Variants in TMSB15B observed in about 807,000 individuals in gnomAD.
The protein encoded by TMSB15B is thymosin beta 15B.
rs782728376 is a variant in TMSB15B at position 103,950,442 on chromosome X, A to G, written c.-720-11579A>G. 6.4e-5 allele frequency among the ~76,000 whole-genome samples: 7 copies of G among 110,200 alleles called. No homozygotes were observed. The South Asian group carries it at 2.8e-3, about 44-fold the overall frequency. On this transcript the variant is annotated intron_variant, in intron 1 of 3. Coordinates refer to the TMSB15B transcript ENST00000419165. The stretch of plus-strand genomic sequence containing the variant: ...TGGGGCTCCCTCTTGGCCCCAAACT[A>G]ATGTAGGTAGAAGGCCTAAGGGAAT...
At chrX:103,921,963 G>A (rs1395780488) in intron 1 of TMSB15B, among the ~76,000 whole-genome samples, 8 of 111,924 alleles carry the variant, frequency 7.1e-5, no homozygotes, top group Non-Finnish European at 1.5e-4. Context: ...CTTCTTTGCT[G>A]CCTTCCAAAC....
intron 1 of TMSB15B, among the ~76,000 whole-genome samples, chrX:103,923,031 C>T (rs1320080036): frequency 8.9e-6 from 1 of 112,203 alleles, no homozygotes; most frequent in East Asian, 2.8e-4. Flanking sequence ...ATATCCTTCA[C>T]CCACTTTTTG....
At chrX:103,956,290 A>C (rs782639657) in intron 1 of TMSB15B, among the ~76,000 whole-genome samples, 1 of 9,874 alleles carries the variant, frequency 1.0e-4, no homozygotes, top group African/African-American at 4.3e-4. Context: ...AATCCACACA[A>C]ATCAATACTA....
At chrX:103,934,287 A>G (rs1449724929) in intron 1 of TMSB15B, among the ~76,000 whole-genome samples, 3 of 110,985 alleles carry the variant, frequency 2.7e-5, no homozygotes, top group Non-Finnish European at 5.7e-5. Context: ...TTCACTTCAC[A>G]TAATGTCCTC....
At chrX:103,924,261 C>T (rs1420075157) in intron 1 of TMSB15B, among the ~76,000 whole-genome samples, 1 of 111,173 alleles carries the variant, frequency 9.0e-6, no homozygotes, top group African/African-American at 3.3e-5. Context: ...AGCTCTATTT[C>T]CTTCTCACCA....
chrX:103,941,739 C>A (rs183525825), intron 1 of TMSB15B, among the ~76,000 whole-genome samples: 1 of 112,096 alleles, frequency 8.9e-6, no homozygotes, highest in East Asian at 2.8e-4. Context: ...CCAGTTCACA[C>A]CCTTACTAGC....
chrX:103,935,017 T>G (rs1401452945), intron 1 of TMSB15B, among the ~76,000 whole-genome samples: 2 of 112,357 alleles, frequency 1.8e-5, no homozygotes, highest in African/African-American at 6.5e-5. Flanking sequence ...TTCTTGACTT[T>G]TTAATGTTCG....
At chrX:103,925,612 T>G (rs2074966071) in intron 1 of TMSB15B, among the ~76,000 whole-genome samples, 1 of 111,836 alleles carries the variant, frequency 8.9e-6, no homozygotes, top group Non-Finnish European at 1.9e-5. Context: ...TGGGTAAGGC[T>G]CCAAGATGTC....
intron 1 of TMSB15B, among the ~76,000 whole-genome samples, chrX:103,936,487 A>C (rs1251170073): frequency 8.9e-6 from 1 of 112,175 alleles, no homozygotes; most frequent in Non-Finnish European, 1.9e-5. Flanking sequence ...TGATTTTTGC[A>C]CATTGATTTT....
intron 1 of TMSB15B, among the ~76,000 whole-genome samples, chrX:103,943,455 A>C (rs2075017659): frequency 1.8e-5 from 2 of 112,253 alleles, no homozygotes; most frequent in Admixed American, 1.9e-4. Context: ...TATATGAAAA[A>C]ATGACAGACT....
At chrX:103,946,347 T>C (rs782540047) in intron 1 of TMSB15B, among the ~76,000 whole-genome samples, 38 of 112,315 alleles carry the variant, frequency 3.4e-4, no homozygotes, top group Admixed American at 7.5e-4. Context: ...GAAAACATGG[T>C]CCTGAGAATG....
intron 1 of TMSB15B, among the ~76,000 whole-genome samples, chrX:103,944,696 T>C (rs1882188728): frequency 8.9e-6 from 1 of 112,366 alleles, no homozygotes; most frequent in Admixed American, 9.4e-5. Flanking sequence ...CAGTACTTAT[T>C]GTTTGAAGAC....
Position 103,953,913 on chromosome X carries a change from C to G in TMSB15B, c.-720-8108C>G, listed in dbSNP as rs188552563. 2.7e-5 allele frequency among the ~76,000 whole-genome samples: 3 copies of G among 111,729 alleles called. No homozygotes were observed. In the East Asian group the frequency reaches 8.6e-4, roughly 32 times the overall value. ...GACCCTAAGTGCCTTCTCCACACCT[C>G]CAACAAACTACAGCCAACCCAAGGA... On this transcript the variant is annotated intron_variant, in intron 1 of 3. Coordinates refer to the TMSB15B transcript ENST00000419165.
At chrX:103,924,506 T>G (rs2074962725) in intron 1 of TMSB15B, among the ~76,000 whole-genome samples, 1 of 111,780 alleles carries the variant, frequency 8.9e-6, no homozygotes, top group South Asian at 3.7e-4. Flanking sequence ...TAGTGTACCC[T>G]TTATTTTGTC....
At chrX:103,945,423 C>T (rs782474296) in intron 1 of TMSB15B, among the ~76,000 whole-genome samples, 12 of 111,613 alleles carry the variant, frequency 1.1e-4, no homozygotes, top group Admixed American at 2.9e-4. Context: ...AGTAAAACAC[C>T]AAACACGAGA....
intron 1 of TMSB15B, among the ~76,000 whole-genome samples, chrX:103,944,008 C>T (rs11092466): frequency 0.17 from 19,044 of 111,019 alleles, 1,336 homozygotes; most frequent in Non-Finnish European, 0.23. Flanking sequence ...TCATGTGATC[C>T]GACTTCTTCA....
chrX:103,919,899 A>G (rs2074946853), intron 1 of TMSB15B, among the ~76,000 whole-genome samples: 1 of 111,315 alleles, frequency 9.0e-6, no homozygotes, highest in Non-Finnish European at 1.9e-5. Flanking sequence ...TCTGAAGAGC[A>G]CTTTTGCACA....
chrX:103,928,191 C>T, intron 1 of TMSB15B: 2 of 1,181,239 alleles, frequency 1.7e-6, no homozygotes, highest in Admixed American at 2.2e-5. Flanking sequence ...CAGGCCTATG[C>T]CCTTGGGGCT....
At chrX:103,943,912 C>G (rs1418361271) in intron 1 of TMSB15B, among the ~76,000 whole-genome samples, 3 of 111,929 alleles carry the variant, frequency 2.7e-5, no homozygotes, top group African/African-American at 9.7e-5. Context: ...TTCCACTTTC[C>G]CCTGGTACTT....
Sources: allele counts gnomAD v4.1 joint callset (sites outside exome capture counted in the v4.1 genomes callset), GRCh38; gene constraint gnomAD v4.1.1; transcripts MANE v1.5; gene names NCBI Gene and HGNC (gene_info 2026-07-23, HGNC 2026-07-21).